The following SNAP29 variants were observed in gnomAD, a reference collection of about 807,000 sequenced individuals.
The protein encoded by SNAP29 is synaptosomal-associated protein 29.
Under a neutral mutation model 27.9 loss-of-function variants are expected in SNAP29, and 13 were observed. The ratio of observed to expected loss-of-function variants is 0.47; its 90% CI spans 0.30 to 0.74. The LOEUF is 0.74. Ranked by LOEUF, SNAP29 falls within the 30% of genes least tolerant of loss-of-function variation. The probability of loss-of-function intolerance (pLI) is 0.06; values close to 1 mark genes in which losing one functional copy is unlikely to be tolerated. For synonymous variants in SNAP29, 119 were observed against 127.1 expected, an observed-to-expected ratio of 0.94 and a Z score of 0.43; for missense variants, 368 against 336.5, an observed-to-expected ratio of 1.09 and a Z score of -0.73.
intron 2 of SNAP29, chr22:20,870,822 C>T (rs1004460422): frequency 4.2e-6 from 2 of 474,348 alleles, no homozygotes; most frequent in Non-Finnish European, 7.8e-6. Context: ...ATGTGACTCA[C>T]TTCACATAAT....
At chr22:20,876,568 C>CT (rs144163820) in intron 2 of SNAP29, among the ~76,000 whole-genome samples, 1,217 of 117,128 alleles carry the variant, frequency 0.01, 21 homozygotes, top group East Asian at 0.03. Context: ...CACTTAAAAG[C>CT]TTTTTTTTTT....
rs1217228243 is a variant in SNAP29 at position 20,859,034 on chromosome 22, G to A, written c.-77G>A. ...TCGCGCGACGACCGCGGGGTCGGCG[G>A]GCGGGGCGAGGCCCTGGACGGCGGC... On this transcript the variant is annotated 5_prime_UTR_variant, in exon 1 of 5. Transcript: ENST00000215730. 18 of 1,391,336 alleles carry A rather than the reference G, an allele frequency of 1.3e-5. No individual in the cohort carries two copies. Among genetic ancestry groups the A allele is most frequent in the East Asian group, 5.0e-5 (2 of 39,908 alleles). 86.2% of individuals were successfully genotyped at this position (1,391,336 alleles called of 1,614,324 possible). A position where few individuals can be genotyped will look rare whatever the true frequency, so the allele number is the denominator to read the frequency against.
chr22:20,888,476 C>A lies in SNAP29; in HGVS notation c.*640C>A, dbSNP rs1056714802. 15 of 164,566 alleles carry A rather than the reference C, an allele frequency of 9.1e-5. No homozygotes were observed. The highest frequency in any genetic ancestry group is 4.0e-4 in the Admixed American group (7 of 17,384). 10.2% of individuals were successfully genotyped at this position (164,566 alleles called of 1,614,324 possible). A position where few individuals can be genotyped will look rare whatever the true frequency, so the allele number is the denominator to read the frequency against. The stretch of plus-strand genomic sequence containing the variant: ...AGATGTCCCCGCTTCCCTCCAGCCC[C>A]CCATCCTTGGCATGTATATTAGTAG... On this transcript the variant is annotated 3_prime_UTR_variant, in exon 5 of 5. Coordinates refer to ENST00000215730, the MANE Select transcript of SNAP29 (RefSeq NM_004782.4).
At chr22:20,861,700 A>G (rs6004653) in intron 1 of SNAP29, among the ~76,000 whole-genome samples, 8,400 of 151,856 alleles carry the variant, frequency 0.055, 776 homozygotes, top group African/African-American at 0.19. Context: ...CAGTGGCGCG[A>G]TCTCAGCTCA....
At chr22:20,878,044 A>G (rs926197229) in intron 2 of SNAP29, among the ~76,000 whole-genome samples, 7 of 152,148 alleles carry the variant, frequency 4.6e-5, no homozygotes, top group African/African-American at 7.2e-5. Flanking sequence ...CATTCTACCC[A>G]TAGCTGGAGC....
At chr22:20,868,523 C>G (rs1418690079) in intron 1 of SNAP29, among the ~76,000 whole-genome samples, 2 of 152,168 alleles carry the variant, frequency 1.3e-5, no homozygotes, top group Non-Finnish European at 2.9e-5. Flanking sequence ...AAGCCACAAC[C>G]ATTTATTTAT....
In SNAP29 at chr22:20,890,424, T is replaced by C. The variant is rs566704425; in HGVS notation, c.*2588T>C. The C allele has an allele frequency of 1.4e-4, 57 of 398,542 alleles. No individual in the cohort carries two copies. The South Asian group carries it at 6.9e-3, about 48-fold the overall frequency. The allele number at this position is 398,542 out of a possible 1,614,324, so 24.7% of individuals were successfully genotyped here. A position where few individuals can be genotyped will look rare whatever the true frequency, so the allele number is the denominator to read the frequency against. On this transcript the variant is annotated 3_prime_UTR_variant, in exon 5 of 5. Coordinates refer to ENST00000215730, the MANE Select transcript of SNAP29 (RefSeq NM_004782.4). ...AACTGTGCCTTCAAAAAATGACTTT[T>C]CTAACTTAAGGTTGGTTATATGTTA... is the stretch of plus-strand genomic sequence containing the variant.
At chr22:20,866,172 G>A (rs2147861675) in intron 1 of SNAP29, among the ~76,000 whole-genome samples, 1 of 152,322 alleles carries the variant, frequency 6.6e-6, no homozygotes, top group Non-Finnish European at 1.5e-5. Context: ...TCAGCCCCAG[G>A]TTGGCCTGCA....
chr22:20,878,046 A>G (rs916924291), intron 2 of SNAP29, among the ~76,000 whole-genome samples: 2 of 152,158 alleles, frequency 1.3e-5, no homozygotes, highest in African/African-American at 4.8e-5. Context: ...TTCTACCCAT[A>G]GCTGGAGCCC....
intron 4 of SNAP29, 48 bp from the exon 5 acceptor site, chr22:20,887,619 AGCATTTGCAGGT>A: frequency 6.3e-7 from 1 of 1,579,854 alleles, no homozygotes; most frequent in South Asian, 1.1e-5. Context: ...ACCATCAAGA[AGCATTTGCAGGT>A]GCCGTGACTG....
rs553838709 is a variant in SNAP29 at position 20,872,635 on chromosome 22, C to T, written c.434+2102C>T. 2.5e-3 allele frequency among the ~76,000 whole-genome samples: 373 copies of T among 152,078 alleles called. 1 individual carries two copies. The highest frequency in any genetic ancestry group is 8.6e-3 in the African/African-American group (355 of 41,502). ...CAGGATGGTCTCGACCTCCTGACTT[C>T]GTGATCCATCCGCCTCCGCCTTCCA... On this transcript the variant is annotated intron_variant, in intron 2 of 4. Coordinates refer to ENST00000215730, the MANE Select transcript of SNAP29 (RefSeq NM_004782.4).
At chr22:20,875,973 A>G (rs1409101625) in intron 2 of SNAP29, among the ~76,000 whole-genome samples, 1 of 151,948 alleles carries the variant, frequency 6.6e-6, no homozygotes, top group Non-Finnish European at 1.5e-5. Context: ...CATCCTAGCT[A>G]ACACGGTGAA....
In SNAP29 at chr22:20,879,851, T is replaced by TA. The variant is rs361542; in HGVS notation, c.435-1174dup. 7.2e-3 allele frequency among the ~76,000 whole-genome samples: 706 copies of TA among 97,996 alleles called. 1 individual carries two copies. The highest frequency in any genetic ancestry group is 0.013 in the East Asian group (45 of 3,436). 64.3% of individuals were successfully genotyped at this position (97,996 alleles called of 152,430 possible). A position where few individuals can be genotyped will look rare whatever the true frequency, so the allele number is the denominator to read the frequency against. On this transcript the variant is annotated intron_variant, in intron 2 of 4. Coordinates refer to ENST00000215730, the MANE Select transcript of SNAP29 (RefSeq NM_004782.4). ...GAGCGAGACTCTGTCTGAAAAAATT[T>TA]AAAAAAAAAAAAAAAAAAAAAAAAG...
At chr22:20,885,381 C>T (rs116637644) in intron 4 of SNAP29, among the ~76,000 whole-genome samples, 305 of 152,224 alleles carry the variant, frequency 2.0e-3, no homozygotes, top group African/African-American at 6.8e-3. Context: ...CGGGTTTTCT[C>T]CTGCTTGCTG....
At chr22:20,876,231 A>C (rs1434403078) in intron 2 of SNAP29, among the ~76,000 whole-genome samples, 1 of 150,020 alleles carries the variant, frequency 6.7e-6, no homozygotes, top group African/African-American at 2.4e-5. Flanking sequence ...TAAATGCAGG[A>C]ATACTGTCAC....
intron 2 of SNAP29, 103 bp downstream of exon 2, chr22:20,870,636 A>G: frequency 9.4e-7 from 1 of 1,068,006 alleles, no homozygotes; most frequent in Non-Finnish European, 1.4e-6. Flanking sequence ...GGGATCCAAC[A>G]ACCCTTTAAG....
intron 2 of SNAP29, among the ~76,000 whole-genome samples, chr22:20,872,246 T>A (rs1255777738): frequency 6.6e-6 from 1 of 150,510 alleles, no homozygotes; most frequent in African/African-American, 2.4e-5. Context: ...ATTTTATTTA[T>A]TTATTTTTTT....
intron 4 of SNAP29, 122 bp from the exon 5 acceptor site, chr22:20,887,557 T>C (rs1297189978): frequency 1.0e-6 from 1 of 991,532 alleles, no homozygotes; most frequent in Non-Finnish European, 1.6e-6. Context: ...ATCTCTGCAG[T>C]GGGTGCAGTC....
rs746266284 is a variant in SNAP29, at chr22:20,883,495, C to G, written c.545C>G (p.Ser182Cys). Residue 182 changes from serine (S) to cysteine (C), a missense_variant, in exon 4 of 5, where the codon TCT becomes TGT. Ser to Cys is a moderately radical substitution (Grantham distance 112). Transcript: ENST00000215730. ...GACCCTGTCCCCAGAGGGGCTGGTTCTGCCATGAGTACTGATGCTTACCCA... is the reference window on the plus strand; with the variant it reads ...GACCCTGTCCCCAGAGGGGCTGGTTGTGCCATGAGTACTGATGCTTACCCA... ...DTDPVPRGAG[S>C]AMSTDAYPKN... 6.2e-7 allele frequency: 1 copy of G among 1,613,252 alleles called. No individual in the cohort carries two copies. Among genetic ancestry groups the G allele is most frequent in the Admixed American group, 1.7e-5 (1 of 60,014 alleles).
Sources: allele counts gnomAD v4.1 joint callset (sites outside exome capture counted in the v4.1 genomes callset), GRCh38; gene constraint gnomAD v4.1.1; transcripts MANE v1.5; gene names NCBI Gene and HGNC (gene_info 2026-07-23, HGNC 2026-07-21).